Variants in TAS2R1 observed in about 807,000 individuals in gnomAD.
The protein encoded by TAS2R1 is taste receptor type 2 member 1.
For synonymous variants in TAS2R1, 141 were observed against 134.2 expected (o/e 1.05, Z -0.35); for missense variants, 370 against 353.4 (o/e 1.05, Z -0.38).
the TAS2R1 span, among the ~76,000 whole-genome samples, chr5:9,817,754 G>A: frequency 2.0e-5 from 3 of 152,034 alleles, no homozygotes; most frequent in African/African-American, 4.8e-5. Context: ...ATGTATAAAC[G>A]AAAGAGGTTT....
At chr5:9,722,752 A>C in the TAS2R1 span, among the ~76,000 whole-genome samples, 3 of 152,212 alleles carry the variant, frequency 2.0e-5, no homozygotes, top group Non-Finnish European at 4.4e-5. Context: ...GGTATTTAGA[A>C]TGTTCAAAAC....
At chr5:9,755,292 T>TA in the TAS2R1 span, among the ~76,000 whole-genome samples, 1 of 151,678 alleles carries the variant, frequency 6.6e-6, no homozygotes, top group Non-Finnish European at 1.5e-5. Flanking sequence ...ATTAAGAAAG[T>TA]AAAGAAAGAA....
the TAS2R1 span, among the ~76,000 whole-genome samples, chr5:9,757,524 T>C: frequency 6.6e-6 from 1 of 152,316 alleles, no homozygotes; most frequent in South Asian, 2.1e-4. Flanking sequence ...CCACCCCTTT[T>C]ACATCTTCTT....
the TAS2R1 span, among the ~76,000 whole-genome samples, chr5:9,876,054 C>T: frequency 2.0e-5 from 3 of 152,024 alleles, no homozygotes; most frequent in Non-Finnish European, 4.4e-5. Context: ...AGGCCTTGCC[C>T]CACCTCCAGA....
the TAS2R1 span, among the ~76,000 whole-genome samples, chr5:9,840,210 C>T: frequency 2.0e-5 from 3 of 152,110 alleles, no homozygotes; most frequent in Admixed American, 6.5e-5. Flanking sequence ...GTGAGATATT[C>T]CTCACTCTTC....
At chr5:9,846,072 AT>A in the TAS2R1 span, among the ~76,000 whole-genome samples, 2 of 152,178 alleles carry the variant, frequency 1.3e-5, no homozygotes, top group Non-Finnish European at 2.9e-5. Context: ...GCAATAAACT[AT>A]TTTTTAATAG....
At chr5:9,694,668 T>C (rs1000425584) in intron 1 of TAS2R1, among the ~76,000 whole-genome samples, 2 of 152,230 alleles carry the variant, frequency 1.3e-5, no homozygotes, top group African/African-American at 2.4e-5. Flanking sequence ...CCGTAACTCA[T>C]GATATATTTT....
At chr5:9,722,455 T>A in the TAS2R1 span, among the ~76,000 whole-genome samples, 6 of 152,238 alleles carry the variant, frequency 3.9e-5, no homozygotes, top group Admixed American at 1.3e-4. Context: ...AAGGTTAAAT[T>A]TGCTGGTTTC....
the TAS2R1 span, among the ~76,000 whole-genome samples, chr5:9,761,248 T>C: frequency 1.1e-4 from 17 of 152,354 alleles, no homozygotes; most frequent in African/African-American, 4.1e-4. Flanking sequence ...CCTCTGAGAA[T>C]TAATAAGCCT....
chr5:9,770,989 GC>G, the TAS2R1 span, among the ~76,000 whole-genome samples: 1 of 152,194 alleles, frequency 6.6e-6, no homozygotes, highest in Non-Finnish European at 1.5e-5. Flanking sequence ...GAAAGGAAAG[GC>G]CTCCAGCTTT....
At chr5:9,726,179 T>C in the TAS2R1 span, among the ~76,000 whole-genome samples, 1 of 149,582 alleles carries the variant, frequency 6.7e-6, no homozygotes, top group East Asian at 2.0e-4. Flanking sequence ...CAATCAGCAC[T>C]CTGTGTCTAC....
chr5:9,633,296 A>ATATATATATATATATAT, upstream of TAS2R1, among the ~76,000 whole-genome samples: 1 of 73,092 alleles, frequency 1.4e-5, no homozygotes, highest in East Asian at 4.2e-4. Context: ...TGTGTATATT[A>ATATATATATATATATAT]TATATATATA....
intron 1 of TAS2R1, chr5:9,660,103 G>A (rs1740501321): frequency 6.9e-6 from 1 of 145,416 alleles, no homozygotes; most frequent in African/African-American, 2.6e-5. Context: ...CTGTTGCCCA[G>A]GCTGGAGTGC....
intron 1 of TAS2R1, among the ~76,000 whole-genome samples, chr5:9,678,562 A>C (rs1365392036): frequency 1.3e-5 from 2 of 152,230 alleles, no homozygotes; most frequent in African/African-American, 4.8e-5. Flanking sequence ...CTGGATAAAG[A>C]AAATGTGGTA....
intron 1 of TAS2R1, among the ~76,000 whole-genome samples, chr5:9,668,972 T>C (rs567278954): frequency 1.3e-4 from 20 of 152,162 alleles, no homozygotes; most frequent in Non-Finnish European, 2.5e-4. Flanking sequence ...GAGTGACAAG[T>C]TGTATAAAGA....
At chr5:9,666,262 C>T (rs1261099331) in intron 1 of TAS2R1, among the ~76,000 whole-genome samples, 1 of 152,128 alleles carries the variant, frequency 6.6e-6, no homozygotes, top group African/African-American at 2.4e-5. Flanking sequence ...GAAAGAGTTA[C>T]AACAATCTCC....
In TAS2R1 at chr5:9,645,173, A is replaced by G. The variant is rs114283087; in HGVS notation, c.-81+14248T>C. Among the ~76,000 whole-genome samples the G allele has an allele frequency of 9.4e-3, 1,438 of 152,314 alleles. 27 individuals are homozygous for G. Among genetic ancestry groups the G allele is most frequent in the African/African-American group, 0.033 (1,391 of 41,578 alleles). On this transcript the variant is annotated intron_variant, in intron 2 of 2. Transcript: ENST00000506620. ...GGAAGAGGCAGAATACTTACCAATC[A>G]TTTAGTGCTTACAACGCTAAACAAT...
At chr5:9,750,677 C>T in the TAS2R1 span, among the ~76,000 whole-genome samples, 1 of 152,186 alleles carries the variant, frequency 6.6e-6, no homozygotes, top group Non-Finnish European at 1.5e-5. Context: ...ATCACAATCC[C>T]TTTTCAGTGT....
the TAS2R1 span, among the ~76,000 whole-genome samples, chr5:9,786,783 C>T: frequency 2.6e-5 from 4 of 152,142 alleles, no homozygotes; most frequent in African/African-American, 9.7e-5. Flanking sequence ...AAATAACCTC[C>T]TTTACTGAGC....
Sources: gnomAD v4.1 joint callset for allele counts (sites outside exome capture counted in the v4.1 genomes callset) on GRCh38, gnomAD v4.1.1 for gene constraint, MANE v1.5 for transcripts, NCBI Gene and HGNC (gene_info 2026-07-23, HGNC 2026-07-21) for gene names.